XPO5: variants seen among roughly 807,000 people sequenced by gnomAD.
The protein encoded by XPO5 is exportin 5, also known as exportin-5.
Under a neutral mutation model 160.6 loss-of-function variants are expected in XPO5, and 46 were observed. The ratio of observed to expected loss-of-function variants is 0.29; its 90% CI spans 0.23 to 0.37. The LOEUF (loss-of-function observed/expected upper bound fraction) is 0.37. Among genes scored for constraint, XPO5 ranks in the 10% least tolerant of loss-of-function variants. The probability of loss-of-function intolerance (pLI) is 1.00; values close to 1 mark genes in which losing one functional copy is unlikely to be tolerated. For synonymous variants in XPO5, 537 were observed against 519.3 expected, an observed-to-expected ratio of 1.03 and a Z score of -0.46; for missense variants, 1,090 against 1,463.9, an observed-to-expected ratio of 0.74 and a Z score of 4.17.
chr6:43,556,161 G>A, intron 12 of XPO5, 197 bp from the exon 13 acceptor site: 3 of 624,042 alleles, frequency 4.8e-6, no homozygotes, highest in Non-Finnish European at 7.7e-6. Flanking sequence ...ATGATCTCTG[G>A]AAACTGTATT....
At chr6:43,551,538 A>G (rs529641571) in intron 14 of XPO5, 85 bp from the exon 15 acceptor site, 20 of 1,525,992 alleles carry the variant, frequency 1.3e-5, no homozygotes, top group Middle Eastern at 4.7e-4. Context: ...TTCATCTTTT[A>G]AAGAGACAGG....
chr6:43,545,223 C>T (rs1399881827), intron 20 of XPO5, among the ~76,000 whole-genome samples: 11 of 152,156 alleles, frequency 7.2e-5, no homozygotes, highest in Admixed American at 7.2e-4. Context: ...CTTTATCAGA[C>T]ACTCCAGCCC....
chr6:43,529,002 G>T, intron 23 of XPO5, 77 bp from the exon 24 acceptor site: 2 of 1,358,090 alleles, frequency 1.5e-6, no homozygotes, highest in Non-Finnish European at 2.0e-6. Context: ...GCACCCCTGG[G>T]CAGAATCAAT....
At chr6:43,542,665 A>AT (rs1383517720) in intron 20 of XPO5, among the ~76,000 whole-genome samples, 3 of 152,006 alleles carry the variant, frequency 2.0e-5, no homozygotes, top group Admixed American at 1.3e-4. Flanking sequence ...ACCTCAAGTG[A>AT]TTCACCTGCT....
rs1179745283 is a variant in XPO5, at chr6:43,524,510, T to G, written c.3438A>C (p.Arg1146=). Residue 1146 remains arginine, a synonymous_variant, in exon 31 of 32, where the codon CGA becomes CGC. Transcript: ENST00000265351. ...PSLQKVADKR[R]KDQFKRLIAG... ...CAATGAGGCGTTTGAATTGGTCCTT[T>G]CGGCGCTTGTCAGCCACTTTCTGCA... The G allele has an allele frequency of 1.9e-6, 3 of 1,613,902 alleles. No homozygotes were observed. Among genetic ancestry groups the G allele is most frequent in the Non-Finnish European group, 1.7e-6 (2 of 1,179,888 alleles).
rs924200278 is a variant in XPO5, at chr6:43,530,727, A to G, written c.2638T>C (p.Leu880=). ...AGTCGGTAGTCAGGAATATTGTTCA[A>G]GTTGACAAAGGCTGAGCTGAGAAGC... is the stretch of plus-strand genomic sequence containing the variant. The part of the protein sequence containing the change: ...TQLLSSAFVN[L]NNIPDYRLRP... The change falls in exon 23 of 32, where the codon TTG becomes CTG. Residue 880 remains leucine, a synonymous_variant. Transcript: ENST00000265351. The G allele has an allele frequency of 1.9e-5, 30 of 1,613,988 alleles. No homozygotes were observed. The highest frequency in any genetic ancestry group is 3.3e-5 in the South Asian group (3 of 91,082).
chr6:43,547,889 ATAT>A (rs1277712273), intron 18 of XPO5, among the ~76,000 whole-genome samples, 182 bp from the exon 19 acceptor site: 1 of 152,230 alleles, frequency 6.6e-6, no homozygotes, highest in Non-Finnish European at 1.5e-5. Flanking sequence ...CCACTCCCAA[ATAT>A]TATTAGTAAC....
chr6:43,546,497 G>A (rs2127727215), intron 20 of XPO5, 74 bp downstream of exon 20: 1 of 1,454,706 alleles, frequency 6.9e-7, no homozygotes, highest in Non-Finnish European at 9.2e-7. Context: ...ATGAAGACAT[G>A]TAAACAGACT....
chr6:43,550,042 T>C, intron 15 of XPO5, 108 bp from the exon 16 acceptor site: 2 of 1,172,806 alleles, frequency 1.7e-6, no homozygotes, highest in South Asian at 1.3e-5. Context: ...CTGATTCTCC[T>C]GCTTTAGCCT....
intron 26 of XPO5, 48 bp downstream of exon 26, chr6:43,527,586 T>G: frequency 1.3e-6 from 2 of 1,598,786 alleles, no homozygotes; most frequent in Non-Finnish European, 1.7e-6. Context: ...CGACCAGCTC[T>G]TCTTCCAGGA....
intron 26 of XPO5, 26 bp from the exon 27 acceptor site, chr6:43,526,773 G>A: frequency 1.2e-6 from 2 of 1,610,086 alleles, no homozygotes; most frequent in Non-Finnish European, 1.7e-6. Context: ...AGGGTTACTA[G>A]GTGAAGGGTG....
intron 23 of XPO5, 65 bp from the exon 24 acceptor site, chr6:43,528,990 T>C (rs1196854435): frequency 6.1e-6 from 9 of 1,464,820 alleles, no homozygotes; most frequent in South Asian, 1.2e-5. Flanking sequence ...AGGTGGTGGG[T>C]TGCACCCCTG....
chr6:43,562,580 G>C (rs1762470507), intron 8 of XPO5, among the ~76,000 whole-genome samples: 1 of 152,200 alleles, frequency 6.6e-6, no homozygotes, highest in South Asian at 2.1e-4. Context: ...CTATGAGTGT[G>C]AAAAGCAACT....
At chr6:43,531,381 G>A (rs142682239) in intron 22 of XPO5, 98 bp downstream of exon 22, 5 of 1,100,186 alleles carry the variant, frequency 4.5e-6, no homozygotes, top group African/African-American at 1.6e-5. Context: ...CTCTTGCCTC[G>A]CCTTACCTGT....
At chr6:43,529,250 T>A in intron 23 of XPO5, 1 of 1,376,214 alleles carries the variant, frequency 7.3e-7, no homozygotes, top group South Asian at 1.1e-5. Flanking sequence ...TAATTTCAGG[T>A]AAGAAAGATT....
At chr6:43,565,823 A>C in intron 7 of XPO5, 87 bp from the exon 8 acceptor site, 1 of 1,077,506 alleles carries the variant, frequency 9.3e-7, no homozygotes, top group Non-Finnish European at 1.3e-6. Flanking sequence ...AAATATATTG[A>C]CTTCATAATT....
chr6:43,539,784 A>T (rs1794588271), intron 20 of XPO5: 8 of 576,750 alleles, frequency 1.4e-5, no homozygotes, highest in Non-Finnish European at 2.4e-5. Context: ...CTGTTCCTTG[A>T]AGGTCTGGGA....
At chr6:43,539,441 A>C in intron 20 of XPO5, 1 of 1,565,952 alleles carries the variant, frequency 6.4e-7, no homozygotes, top group Non-Finnish European at 8.7e-7. Context: ...TGATTCCTTA[A>C]TGGGCAGGGA....
chr6:43,563,319 G>A (rs1762507174), intron 8 of XPO5, among the ~76,000 whole-genome samples: 1 of 152,094 alleles, frequency 6.6e-6, no homozygotes, highest in African/African-American at 2.4e-5. Flanking sequence ...ATTTTTTGTA[G>A]GGATGAGGTC....
Sources: allele counts gnomAD v4.1 joint callset (sites outside exome capture counted in the v4.1 genomes callset), GRCh38; gene constraint gnomAD v4.1.1; transcripts MANE v1.5; gene names NCBI Gene and HGNC (gene_info 2026-07-23, HGNC 2026-07-21).